Variants in MYO3B observed in about 807,000 individuals in gnomAD.
MYO3B encodes the protein myosin IIIB, also known as myosin-IIIb.
A neutral mutation model predicts 174.6 loss-of-function variants in MYO3B; 156 were observed. That is an observed-to-expected ratio of 0.89 (90% CI 0.78 to 1.02). The LOEUF is 1.02. Ranked by LOEUF, MYO3B falls within the 50% of genes least tolerant of loss-of-function variation. MYO3B has a pLI of 0.00. For synonymous variants in MYO3B, 563 were observed against 569.1 expected (o/e 0.99, Z 0.15); for missense variants, 1,632 against 1,639.4 (o/e 1.00, Z 0.08).
At chr2:170,538,952 T>A (rs913023643) in intron 30 of MYO3B, among the ~76,000 whole-genome samples, 1 of 152,188 alleles carries the variant, frequency 6.6e-6, no homozygotes, top group Non-Finnish European at 1.5e-5. Flanking sequence ...TTAAAAAAAA[T>A]TTCCTGTGGA....
chr2:170,365,083 A>G (rs2094188340), intron 8 of MYO3B, among the ~76,000 whole-genome samples: 1 of 152,170 alleles, frequency 6.6e-6, no homozygotes, highest in Non-Finnish European at 1.5e-5. Context: ...AATTCTTACC[A>G]GCTCCAGGAA....
chr2:170,279,244 C>T (rs1304717759), intron 7 of MYO3B, among the ~76,000 whole-genome samples: 1 of 152,022 alleles, frequency 6.6e-6, no homozygotes, highest in Non-Finnish European at 1.5e-5. Flanking sequence ...TTTACATTCC[C>T]ATCAATAGTG....
intron 22 of MYO3B, among the ~76,000 whole-genome samples, chr2:170,442,997 TA>T (rs2094813414): frequency 6.6e-6 from 1 of 152,268 alleles, no homozygotes; most frequent in South Asian, 2.1e-4. Context: ...GCATGATTTA[TA>T]ATCCTTCAGG....
At chr2:170,335,260 A>C in intron 7 of MYO3B, 125 bp from the exon 8 acceptor site, 1 of 715,972 alleles carries the variant, frequency 1.4e-6, no homozygotes, top group Non-Finnish European at 2.3e-6. Flanking sequence ...CTAAAAAATG[A>C]CTCTCATATG....
At chr2:170,507,476 T>TGCAATCTCCCCTTCCTGA in intron 28 of MYO3B, among the ~76,000 whole-genome samples, 2 of 152,256 alleles carry the variant, frequency 1.3e-5, no homozygotes, top group African/African-American at 4.8e-5. Context: ...CTTGGCTCAC[T>TGCAATCTCCCCTTCCTGA]GCAATCTCCC....
intron 25 of MYO3B, among the ~76,000 whole-genome samples, chr2:170,497,390 G>T (rs1686926110): frequency 1.3e-5 from 2 of 152,348 alleles, no homozygotes; most frequent in South Asian, 4.1e-4. Flanking sequence ...GTCAAGGCGG[G>T]TGGATCACGA....
chr2:170,305,510 T>C (rs752152999), intron 7 of MYO3B, among the ~76,000 whole-genome samples: 3 of 152,172 alleles, frequency 2.0e-5, no homozygotes, highest in Non-Finnish European at 4.4e-5. Flanking sequence ...TCTAGTTTTC[T>C]AGCCTTTCTT....
intron 7 of MYO3B, among the ~76,000 whole-genome samples, chr2:170,283,644 G>A (rs1422464007): frequency 6.6e-6 from 1 of 152,146 alleles, no homozygotes; most frequent in Non-Finnish European, 1.5e-5. Context: ...GAAACCAGCT[G>A]CTGTAAAGCT....
Position 170,310,665 on chromosome 2 carries a change from C to CA in MYO3B, c.750-24698dup, listed in dbSNP as rs746315736. Among the ~76,000 whole-genome samples, 427 of 61,302 alleles carry CA rather than the reference C, an allele frequency of 7.0e-3. 22 individuals are homozygous for CA. The highest frequency in any genetic ancestry group is 0.029 in the African/African-American group (363 of 12,544). The allele number at this position is 61,302 out of a possible 152,430, so 40.2% of individuals were successfully genotyped here. On this transcript the variant is annotated intron_variant, in intron 7 of 34. Transcript: ENST00000408978. ...GGGCGACAAGAGCAAGACTCCATCT[C>CA]AAAAAAAAAAAAAAAAAAAAAAGAA...
At chr2:170,577,315 C>T (rs2883782) in intron 32 of MYO3B, among the ~76,000 whole-genome samples, 66,999 of 152,038 alleles carry the variant, frequency 0.44, 15,183 homozygotes, top group East Asian at 0.63. Context: ...CATTAATCTC[C>T]TTGAGGACAA....
intron 7 of MYO3B, among the ~76,000 whole-genome samples, chr2:170,308,239 C>T (rs2093713831): frequency 6.6e-6 from 1 of 152,180 alleles, no homozygotes; most frequent in South Asian, 2.1e-4. Flanking sequence ...TCTGTTCTAG[C>T]AACATTGCAA....
intron 32 of MYO3B, among the ~76,000 whole-genome samples, chr2:170,591,257 C>T (rs1438209243): frequency 6.6e-6 from 1 of 152,170 alleles, no homozygotes; most frequent in East Asian, 1.9e-4. Flanking sequence ...TATGTGTCTG[C>T]AACTTCAGAC....
chr2:170,389,214 C>T (rs374404195), intron 14 of MYO3B, among the ~76,000 whole-genome samples: 39 of 152,292 alleles, frequency 2.6e-4, no homozygotes, highest in African/African-American at 8.7e-4. Flanking sequence ...AAGATGGGGC[C>T]TGTCCCAGTC....
intron 34 of MYO3B, 79 bp from the exon 35 acceptor site, chr2:170,652,904 A>G (rs941956692): frequency 3.9e-6 from 6 of 1,544,518 alleles, no homozygotes; most frequent in Admixed American, 1.7e-5. Flanking sequence ...AGCTACTCAC[A>G]TGACTTTAGC....
intron 7 of MYO3B, among the ~76,000 whole-genome samples, chr2:170,254,335 C>T (rs560463437): frequency 3.9e-5 from 6 of 152,296 alleles, no homozygotes; most frequent in South Asian, 2.1e-4. Flanking sequence ...ACACCGTAGA[C>T]GCCCACCCGC....
intron 7 of MYO3B, among the ~76,000 whole-genome samples, chr2:170,280,880 C>G (rs1241752776): frequency 6.6e-6 from 1 of 151,928 alleles, no homozygotes; most frequent in African/African-American, 2.4e-5. Flanking sequence ...TTACTGTAGC[C>G]CTGTAGTATA....
chr2:170,644,114 A>G (rs1990606), intron 32 of MYO3B, among the ~76,000 whole-genome samples: 69,985 of 152,010 alleles, frequency 0.46, 17,703 homozygotes, highest in African/African-American at 0.69. Flanking sequence ...TGTGACTTAC[A>G]ACTGTGCATG....
chr2:170,537,915 T>C lies in MYO3B; in HGVS notation c.3576-4991T>C, dbSNP rs1489579053. ...CTAACAAAAATCAACCAACATTGAA[T>C]TAGCTATTTTGAAATTAGAGTATGC... On this transcript the variant is annotated intron_variant, in intron 30 of 34. Coordinates refer to ENST00000408978, the MANE Select transcript of MYO3B (RefSeq NM_138995.5). Among the ~76,000 whole-genome samples the C allele has an allele frequency of 2.6e-5, 4 of 152,314 alleles. No individual in the cohort carries two copies. The East Asian group carries it at 5.8e-4, about 22-fold the overall frequency.
At chr2:170,540,319 A>T (rs1287363997) in intron 30 of MYO3B, among the ~76,000 whole-genome samples, 1 of 152,066 alleles carries the variant, frequency 6.6e-6, no homozygotes, top group Non-Finnish European at 1.5e-5. Flanking sequence ...GTGCGATTCT[A>T]TCTCAAAAAA....
Sources: allele counts gnomAD v4.1 joint callset (sites outside exome capture counted in the v4.1 genomes callset), GRCh38; gene constraint gnomAD v4.1.1; transcripts MANE v1.5; gene names NCBI Gene and HGNC (gene_info 2026-07-23, HGNC 2026-07-21).